The following TTN variants were observed in gnomAD, a reference collection of about 807,000 sequenced individuals.
The protein encoded by TTN is connectin.
Under a neutral mutation model 3,223.0 loss-of-function variants are expected in TTN, and 1,525 were observed. The ratio of observed to expected loss-of-function variants is 0.47; its 90% CI spans 0.45 to 0.49. The LOEUF (loss-of-function observed/expected upper bound fraction) is 0.49, where lower values mean the gene tolerates loss of function less well. TTN is among the 20% of genes least tolerant of loss of function. The pLI is 0.00. For missense variants in TTN, 40,786 were observed against 43,424.0 expected, an observed-to-expected ratio of 0.94 and a Z score of 5.40; for synonymous variants, 14,094 against 15,161.0, an observed-to-expected ratio of 0.93 and a Z score of 5.17.
At position 178,654,252 on chromosome 2, in the gene TTN, AC is replaced by A. The variant is rs1327870881; in HGVS notation, c.38335del (p.Val12779TyrfsTer168). ...CGGTTTTTTGGGCACAGCCACAGATACTTTCTTTTCAAGTACAACTTCTTTA... is the reference window on the plus strand; with the variant it reads ...CGGTTTTTTGGGCACAGCCACAGATATTTCTTTTCAAGTACAACTTCTTTA... ...APKEVVLEKK[V>X]SVAVPKKPEA... On this transcript the variant is annotated frameshift_variant, in exon 193 of 363. Transcript: ENST00000589042. LOFTEE classifies it high-confidence loss of function. 1 of 1,599,036 alleles carries A rather than the reference AC, an allele frequency of 6.3e-7. No individual in the cohort carries two copies. The highest frequency in any genetic ancestry group is 1.8e-5 in the Admixed American group (1 of 56,996).
rs1249962970 is a variant in TTN at position 178,575,205 on chromosome 2, C to T, written c.70927G>A (p.Val23643Ile). ...LDLRGIYQKLVIAKAGDNIKV... is the reference protein window; with the variant it reads ...LDLRGIYQKLIIAKAGDNIKV... ...ATGTTGTCACCAGCTTTGGCAATGA[C>T]CAGTTTCTGATAGATGCCACGGAGA... The change falls in exon 326 of 363, where the codon GTC (valine) becomes ATC (isoleucine). Residue 23643 changes from valine (V) to isoleucine (I), a missense_variant. Physicochemically the swap from Val to Ile is conservative, Grantham distance 29 (BLOSUM62 3). Transcript: ENST00000589042. This position sits in a 1 kb window ranked among gnomAD's most constrained non-coding sequence, Gnocchi z 4.0. 4 of 1,612,794 alleles carry T rather than the reference C, an allele frequency of 2.5e-6. No individual in the cohort carries two copies. The South Asian group carries it at 4.4e-5, about 18-fold the overall frequency.
Position 178,634,164 on chromosome 2 carries a change from G to A in TTN, c.42416-81C>T. 2 of 1,557,818 alleles carry A rather than the reference G, an allele frequency of 1.3e-6. No individual in the cohort carries two copies. The highest frequency in any genetic ancestry group is 1.7e-6 in the Non-Finnish European group (2 of 1,158,196). On this transcript the variant is annotated intron_variant, in intron 230 of 362. Transcript: ENST00000589042. This position sits in a 1 kb window ranked among gnomAD's most constrained non-coding sequence, Gnocchi z 4.6. Reference sequence around the variant, plus strand: ...CCATTCTAATCTGCCTGAGTAAAAGGGACCCATTTCACATGGCACTTATTT... The same window carrying A: ...CCATTCTAATCTGCCTGAGTAAAAGAGACCCATTTCACATGGCACTTATTT...
In TTN at chr2:178,757,677, A is replaced by C; in HGVS notation, c.10543T>G (p.Phe3515Val). The change falls in exon 45 of 363, where the codon TTT (phenylalanine) becomes GTT (valine). Residue 3515 changes from phenylalanine (F) to valine (V), a missense_variant. Physicochemically the swap from Phe to Val is conservative, Grantham distance 50. Transcript: ENST00000589042. ...AAAGCCATGCCTGTGGACTCCTCAAAATGGAAAACTACATCTTTTGTTGGT... is the reference window on the plus strand; with the variant it reads ...AAAGCCATGCCTGTGGACTCCTCAACATGGAAAACTACATCTTTTGTTGGT... ...ILPTKDVVFH[F>V]EESTGMALML... 1 of 1,613,806 alleles carries C rather than the reference A, an allele frequency of 6.2e-7. No homozygotes were observed. The highest frequency in any genetic ancestry group is 8.5e-7 in the Non-Finnish European group (1 of 1,179,790).
Position 178,729,843 on chromosome 2 carries a change from A to G in TTN, c.18410T>C (p.Val6137Ala). Residue 6137 changes from valine to alanine, a missense_variant, in exon 63 of 363, where the codon GTG becomes GCG. Val to Ala is a moderately conservative substitution (Grantham distance 64, BLOSUM62 0). Transcript: ENST00000589042. The stretch of plus-strand genomic sequence containing the variant: ...TTCATTCCCGTCTAGATACCAAGAC[A>G]CTCGGATTTTAGGAGTGCCTGTTAT... ...CQITGTPKIRVSWYLDGNEIT... is the reference protein window; with the variant it reads ...CQITGTPKIRASWYLDGNEIT... 6.2e-7 allele frequency: 1 copy of G among 1,613,696 alleles called. No homozygotes were observed. Among genetic ancestry groups the G allele is most frequent in the Non-Finnish European group, 8.5e-7 (1 of 1,179,746 alleles).
At position 178,633,843 on chromosome 2, in the gene TTN, C is replaced by T. The variant is rs748928207; in HGVS notation, c.42656G>A (p.Ser14219Asn). The change falls in exon 231 of 363, where the codon AGC becomes AAC. Residue 14219 changes from serine to asparagine, a missense_variant. Physicochemically the swap from Ser to Asn is conservative, Grantham distance 46. Transcript: ENST00000589042. ...TAAGACCTTCAGCTGTGCTGTGGAG[C>T]TCAGCTCCTTGACTTGAGCTTTTAT... ...SQIKAQVKEL[S>N]STAQLKVLEA... 5 of 1,613,206 alleles carry T rather than the reference C, an allele frequency of 3.1e-6. No homozygotes were observed. Among genetic ancestry groups the T allele is most frequent in the Non-Finnish European group, 4.2e-6 (5 of 1,179,598 alleles).
Position 178,597,704 on chromosome 2 carries a change from C to T in TTN, c.57378G>A (p.Trp19126Ter), listed in dbSNP as rs1192054216. Residue 19126 changes from tryptophan (W) to a stop codon, truncating the protein, a stop_gained, in exon 294 of 363, where the codon TGG becomes TGA. Transcript: ENST00000589042. LOFTEE classifies it high-confidence loss of function. ...VSGKPPPTVT[W>*]NMNERTLPQE... ...GAGGTAAGGTTCTTTCATTCATGTT[C>T]CAGGTGACGGTTGGAGGAGGCTTTC... 6.2e-7 allele frequency: 1 copy of T among 1,613,116 alleles called. No homozygotes were observed. The highest frequency in any genetic ancestry group is 8.5e-7 in the Non-Finnish European group (1 of 1,179,544).
rs2058140521 is a variant in TTN, at chr2:178,620,722, T to A, written c.45888A>T (p.Ile15296=). 1 of 1,612,438 alleles carries A rather than the reference T, an allele frequency of 6.2e-7. No homozygotes were observed. Among genetic ancestry groups the A allele is most frequent in the South Asian group, 1.1e-5 (1 of 90,948 alleles). The part of the protein sequence containing the change: ...GENVKSAANL[I]VEEEDLRIVE... ...GGTATATAAATTACTTACCTTCTACTATTAGATTGGCTGCACTTTTAACAT... is the reference window on the plus strand; with the variant it reads ...GGTATATAAATTACTTACCTTCTACAATTAGATTGGCTGCACTTTTAACAT... Residue 15296 remains isoleucine, a synonymous_variant, in exon 247 of 363, where the codon ATA becomes ATT. Transcript: ENST00000589042.
intron 80 of TTN, 42 bp downstream of exon 80, chr2:178,720,343 T>G (rs993135729): frequency 6.3e-7 from 1 of 1,592,136 alleles, no homozygotes; most frequent in Non-Finnish European, 8.6e-7. Context: ...CAAGAACAGA[T>G]AGGAGGAAGG....
At position 178,568,860 on chromosome 2, in the gene TTN, T is replaced by C; in HGVS notation, c.77272A>G (p.Ile25758Val). 2 of 1,613,184 alleles carry C rather than the reference T, an allele frequency of 1.2e-6. No homozygotes were observed. Among genetic ancestry groups the C allele is most frequent in the Non-Finnish European group, 1.7e-6 (2 of 1,179,604 alleles). The change falls in exon 326 of 363, where the codon ATT becomes GTT. Residue 25758 changes from isoleucine (I) to valine (V), a missense_variant. Ile to Val is a conservative substitution (Grantham distance 29). Transcript: ENST00000589042. Reference protein sequence around the residue: ...CARVKSLQAVITNLTQGEEYL... With the variant: ...CARVKSLQAVVTNLTQGEEYL... Reference sequence around the variant, plus strand: ...TCTTCCCCTTGAGTTAGGTTGGTAATTACTGCCTGAAGAGACTTTACTCGA... The same window carrying C: ...TCTTCCCCTTGAGTTAGGTTGGTAACTACTGCCTGAAGAGACTTTACTCGA...
intron 252 of TTN, 42 bp downstream of exon 252, chr2:178,618,147 A>G: frequency 1.9e-6 from 3 of 1,610,040 alleles, no homozygotes; most frequent in Non-Finnish European, 2.5e-6. Context: ...AAAGACTGCA[A>G]TTTACTTAAA....
chr2:178,705,058 GT>G, intron 103 of TTN, 92 bp from the exon 104 acceptor site: 3 of 1,567,824 alleles, frequency 1.9e-6, no homozygotes, highest in Non-Finnish European at 2.6e-6. Flanking sequence ...CTGGATGCTG[GT>G]TAGGTCATAT....
At chr2:178,782,458 C>G in intron 19 of TTN, 31 bp from the exon 20 acceptor site, 3 of 1,613,898 alleles carry the variant, frequency 1.9e-6, no homozygotes, top group Non-Finnish European at 2.5e-6. Flanking sequence ...ATATTAGCTT[C>G]CGGGTTGCAA....
Position 178,601,436 on chromosome 2 carries a change from T to C in TTN, c.55561A>G (p.Ile18521Val). 6.2e-7 allele frequency: 1 copy of C among 1,612,880 alleles called. No homozygotes were observed. Among genetic ancestry groups the C allele is most frequent in the Non-Finnish European group, 8.5e-7 (1 of 1,179,316 alleles). Residue 18521 changes from isoleucine to valine, a missense_variant, in exon 287 of 363, where the codon ATT (isoleucine) becomes GTT (valine). Physicochemically the swap from Ile to Val is conservative, Grantham distance 29. Transcript: ENST00000589042. ...ACTTTGGTCCAGGCTTTTCCATCAATAGTCCTCTTCTCAATAACATAGCCT... is the reference window on the plus strand; with the variant it reads ...ACTTTGGTCCAGGCTTTTCCATCAACAGTCCTCTTCTCAATAACATAGCCT... Reference protein sequence around the residue: ...IKGYVIEKRTIDGKAWTKVNP... With the variant: ...IKGYVIEKRTVDGKAWTKVNP...
In TTN at chr2:178,607,839, C is replaced by T. The variant is rs535008556; in HGVS notation, c.52948G>A (p.Ala17650Thr). ...YKLRVSAVNA[A>T]GEGPPGETQP... is the part of the protein sequence containing the mutation. ...GTTTCTCCAGGCGGTCCTTCCCCTG[C>T]GGCATTGACAGCACTCACCCGAAGT... Residue 17650 changes from alanine to threonine, a missense_variant, in exon 276 of 363, where the codon GCA becomes ACA. Transcript: ENST00000589042. 9.3e-5 allele frequency: 150 copies of T among 1,613,016 alleles called. No homozygotes were observed. In the South Asian group the frequency reaches 1.1e-3, roughly 11 times the overall value.
At chr2:178,527,386 A>T (rs1454131146) in intron 362 of TTN, 60 bp downstream of exon 362, 3 of 1,583,796 alleles carry the variant, frequency 1.9e-6, no homozygotes, top group Non-Finnish European at 2.6e-6. Flanking sequence ...AATTGTGTGT[A>T]CTAAAGACTA....
At chr2:178,637,479 G>A (rs1361654599) in intron 223 of TTN, 60 bp from the exon 224 acceptor site, 1 of 1,099,880 alleles carries the variant, frequency 9.1e-7, no homozygotes, top group Non-Finnish European at 1.2e-6. Context: ...ATGTTTAATA[G>A]TAAACCATGG....
rs748069813 is a variant in TTN, at chr2:178,619,800, T to A, written c.46517A>T (p.Asp15506Val). Residue 15506 changes from aspartate to valine, a missense_variant, in exon 250 of 363, where the codon GAT becomes GTT. Physicochemically the swap from Asp to Val is radical, Grantham distance 152. Coordinates refer to ENST00000589042, the MANE Select transcript of TTN (RefSeq NM_001267550.2). ...TCTTAGCCATTGGACTTCCACCTTA[T>A]CTTTATTGAGTTCTGCTAAAAAGAC... ...DVVFLAELNK[D>V]KVEVQWLRNN... 1 of 1,612,332 alleles carries A rather than the reference T, an allele frequency of 6.2e-7. No homozygotes were observed. The highest frequency in any genetic ancestry group is 1.1e-5 in the South Asian group (1 of 91,016).
At position 178,535,983 on chromosome 2, in the gene TTN, T is replaced by G; in HGVS notation, c.100764A>C (p.Glu33588Asp). The change falls in exon 357 of 363, where the codon GAA becomes GAC. Residue 33588 changes from glutamate to aspartate, a missense_variant and splice_region_variant. Transcript: ENST00000589042. ...TGATGATAATTTATTTATTTTTACC[T>G]TCCACTTCCAAGGAGGCAGTGCCAG... ...SVSGTASLEV[E>D]VPAKIHLPKT... 2 of 1,528,204 alleles carry G rather than the reference T, an allele frequency of 1.3e-6. No individual in the cohort carries two copies. The highest frequency in any genetic ancestry group is 1.8e-6 in the Non-Finnish European group (2 of 1,142,062). The allele number at this position is 1,528,204 out of a possible 1,614,324, so 94.7% of individuals were successfully genotyped here. A position where few individuals can be genotyped will look rare whatever the true frequency, so the allele number is the denominator to read the frequency against.
Position 178,736,011 on chromosome 2 carries a change from G to T in TTN, c.14435C>A (p.Ala4812Asp). The T allele has an allele frequency of 6.2e-7, 1 of 1,612,856 alleles. No individual in the cohort carries two copies. Among genetic ancestry groups the T allele is most frequent in the Non-Finnish European group, 8.5e-7 (1 of 1,179,146 alleles). The change falls in exon 50 of 363, where the codon GCC becomes GAC. Residue 4812 changes from alanine to aspartate, a missense_variant. Transcript: ENST00000589042. ...CCCTGTCACTGTGCAGATGAACTTG[G>T]CTGCCTTACCCACAAAAGTTGTAAG... ...KSLTTFVGKAAKFICTVTGTP... is the reference protein window; with the variant it reads ...KSLTTFVGKADKFICTVTGTP...
Sources: allele counts gnomAD v4.1 joint callset, GRCh38; gene constraint gnomAD v4.1.1; non-coding constraint Gnocchi (gnomAD v3.1); transcripts MANE v1.5; gene names NCBI Gene and HGNC (gene_info 2026-07-23, HGNC 2026-07-21).